The following CFAP299 variants were observed in gnomAD, a reference collection of about 807,000 sequenced individuals.
The protein encoded by CFAP299 is cilia- and flagella-associated protein 299.
In CFAP299, 21 loss-of-function variants were observed where a neutral mutation model predicts 27.0. That is an observed-to-expected ratio of 0.78 (90% CI 0.55 to 1.12). The LOEUF is 1.12. CFAP299 is among the 50% of genes most tolerant of loss of function. The pLI is 0.00. For missense variants in CFAP299, 310 were observed against 276.6 expected (o/e 1.12, Z -0.86); for synonymous variants, 104 against 98.1 (o/e 1.06, Z -0.36).
At chr4:80,701,997 A>G (rs2017726) in intron 3 of CFAP299, among the ~76,000 whole-genome samples, 107,886 of 151,754 alleles carry the variant, frequency 0.71, 41,554 homozygotes, top group Non-Finnish European at 0.85. Flanking sequence ...CTGGAATTCA[A>G]CTTGTATGTG....
At chr4:80,707,598 A>G (rs1489348446) in intron 3 of CFAP299, among the ~76,000 whole-genome samples, 4 of 152,056 alleles carry the variant, frequency 2.6e-5, no homozygotes, top group African/African-American at 7.2e-5. Flanking sequence ...TTTATTATGC[A>G]GAGACATTAT....
intron 4 of CFAP299, among the ~76,000 whole-genome samples, chr4:80,925,206 A>G (rs1426376189): frequency 6.6e-6 from 1 of 151,868 alleles, no homozygotes; most frequent in Non-Finnish European, 1.5e-5. Context: ...TCTAATTTTC[A>G]TAATGCTTTC....
chr4:80,509,724 C>T (rs1248407699), intron 2 of CFAP299, among the ~76,000 whole-genome samples: 6 of 152,172 alleles, frequency 3.9e-5, no homozygotes, highest in Non-Finnish European at 8.8e-5. Context: ...TAATCTACAA[C>T]AGAAAGTGGC....
At chr4:80,606,229 T>G (rs1737662839) in intron 3 of CFAP299, among the ~76,000 whole-genome samples, 1 of 152,192 alleles carries the variant, frequency 6.6e-6, no homozygotes, top group Non-Finnish European at 1.5e-5. Context: ...GAGTATAGTA[T>G]GTACAAAGGT....
chr4:80,604,706 A>G (rs1398764559), intron 3 of CFAP299, among the ~76,000 whole-genome samples: 1 of 152,202 alleles, frequency 6.6e-6, no homozygotes, highest in Non-Finnish European at 1.5e-5. Flanking sequence ...AATGAACTGG[A>G]TAGAACTGGC....
Position 80,613,334 on chromosome 4 carries a change from A to C in CFAP299, c.333+30151A>C, listed in dbSNP as rs182284257. Among the ~76,000 whole-genome samples, 12 of 152,200 alleles carry C rather than the reference A, an allele frequency of 7.9e-5. No individual in the cohort carries two copies. The East Asian group carries it at 2.1e-3, about 27-fold the overall frequency. ...TTTTTGGTGTCACATCTTTTGTGGA[A>C]CCTCTCATTTTCTAAGGATAATTAA... is the stretch of plus-strand genomic sequence containing the variant. On this transcript the variant is annotated intron_variant, in intron 3 of 5. Transcript: ENST00000358105.
chr4:80,770,950 A>G (rs1042329279), intron 3 of CFAP299, among the ~76,000 whole-genome samples: 2 of 152,198 alleles, frequency 1.3e-5, no homozygotes, highest in Admixed American at 1.3e-4. Flanking sequence ...GGGTTCAGCT[A>G]GTTAGGTCAG....
At chr4:80,321,845 G>A in the CFAP299 span, among the ~76,000 whole-genome samples, 2 of 152,152 alleles carry the variant, frequency 1.3e-5, no homozygotes, top group Admixed American at 1.3e-4. Context: ...GGAGGTCATT[G>A]AGTCCATCGA....
At chr4:80,799,682 TA>T (rs369937900) in intron 3 of CFAP299, among the ~76,000 whole-genome samples, 693 of 9,408 alleles carry the variant, frequency 0.074, 96 homozygotes, top group Middle Eastern at 0.25. Flanking sequence ...TATATATTTA[TA>T]AATATATAAT....
rs1045502988 is a variant in CFAP299, at chr4:80,782,561, A to G, written c.334-87432A>G. On this transcript the variant is annotated intron_variant, in intron 3 of 5. Coordinates refer to ENST00000358105, the MANE Select transcript of CFAP299 (RefSeq NM_152770.3). ...ATATGAATATATAACATATTGATAT[A>G]TAATATACATATATGAATATATAAT... Among the ~76,000 whole-genome samples, 3 of 143,944 alleles carry G rather than the reference A, an allele frequency of 2.1e-5. No homozygotes were observed. In the East Asian group the frequency reaches 5.8e-4, roughly 28 times the overall value. The allele number at this position is 143,944 out of a possible 152,430, so 94.4% of individuals were successfully genotyped here.
At chr4:80,861,967 A>G (rs1405132277) in intron 3 of CFAP299, among the ~76,000 whole-genome samples, 1 of 152,118 alleles carries the variant, frequency 6.6e-6, no homozygotes, top group Non-Finnish European at 1.5e-5. Context: ...CAAGTACTTA[A>G]AGCTCAATTT....
At chr4:80,495,694 G>T (rs1204893249) in intron 2 of CFAP299, among the ~76,000 whole-genome samples, 1 of 152,166 alleles carries the variant, frequency 6.6e-6, no homozygotes. Flanking sequence ...TTGCTATAAA[G>T]AAATACCCAA....
At chr4:80,791,075 A>G (rs1206400064) in intron 3 of CFAP299, among the ~76,000 whole-genome samples, 1 of 152,072 alleles carries the variant, frequency 6.6e-6, no homozygotes, top group Non-Finnish European at 1.5e-5. Flanking sequence ...TAACCTTATA[A>G]GTTTTCAATG....
intron 3 of CFAP299, among the ~76,000 whole-genome samples, chr4:80,690,828 T>A: frequency 6.7e-6 from 1 of 149,136 alleles, no homozygotes. Context: ...GAGAGAAGAA[T>A]CAAATAGACG....
intron 2 of CFAP299, among the ~76,000 whole-genome samples, chr4:80,370,766 C>T (rs1171678019): frequency 6.6e-6 from 1 of 152,224 alleles, no homozygotes; most frequent in Non-Finnish European, 1.5e-5. Flanking sequence ...TGTGGCTTCA[C>T]CCCCACAGCT....
At chr4:80,604,514 C>G (rs187191035) in intron 3 of CFAP299, among the ~76,000 whole-genome samples, 5 of 152,264 alleles carry the variant, frequency 3.3e-5, no homozygotes, top group African/African-American at 1.2e-4. Context: ...GTATCTTCAC[C>G]TAGCTTTCAA....
intron 3 of CFAP299, among the ~76,000 whole-genome samples, chr4:80,790,809 G>C (rs923411940): frequency 6.6e-6 from 1 of 151,984 alleles, no homozygotes; most frequent in Admixed American, 6.6e-5. Context: ...AGAATTGTTT[G>C]CTAAATTTAC....
rs192932552 is a variant in CFAP299, at chr4:80,764,413, T to C, written c.334-105580T>C. On this transcript the variant is annotated intron_variant, in intron 3 of 5. Coordinates refer to ENST00000358105, the MANE Select transcript of CFAP299 (RefSeq NM_152770.3). Reference sequence around the variant, plus strand: ...ACAACGAGATACCATCTCACGCCAGTTAGAATGGCAATCGTTAAAGTCTGG... The same window carrying C: ...ACAACGAGATACCATCTCACGCCAGCTAGAATGGCAATCGTTAAAGTCTGG... Among the ~76,000 whole-genome samples, 342 of 152,228 alleles carry C rather than the reference T, an allele frequency of 2.2e-3. 2 individuals are homozygous for C. Among genetic ancestry groups the C allele is most frequent in the Non-Finnish European group, 1.9e-3 (126 of 68,002 alleles).
chr4:80,577,397 A>ATTTTTTTTTTTTTT (rs34922224), intron 2 of CFAP299, among the ~76,000 whole-genome samples: 1 of 98,824 alleles, frequency 1.0e-5, no homozygotes, highest in Non-Finnish European at 1.8e-5. Flanking sequence ...ATTAGAAAAC[A>ATTTTTTTTTTTTTT]TTTTTTTTTT....
Sources: gnomAD v4.1 joint callset for allele counts (sites outside exome capture counted in the v4.1 genomes callset) on GRCh38, gnomAD v4.1.1 for gene constraint, MANE v1.5 for transcripts, NCBI Gene and HGNC (gene_info 2026-07-23, HGNC 2026-07-21) for gene names.